The following INSC variants were observed in gnomAD, a reference collection of about 807,000 sequenced individuals.
INSC encodes protein inscuteable homolog.
Under a neutral mutation model 58.6 loss-of-function variants are expected in INSC, and 67 were observed. The observed-to-expected ratio is 1.14, with a 90% confidence interval of 0.94 to 1.40. INSC has a LOEUF of 1.40. Among genes scored for constraint, INSC ranks in the 40% most tolerant of loss-of-function variants. The pLI is 0.00. For missense variants in INSC, 714 were observed against 692.0 expected (o/e 1.03, Z -0.36); for synonymous variants, 262 against 276.1 (o/e 0.95, Z 0.51).
chr11:15,229,762 T>C (rs975144073), intron 9 of INSC, among the ~76,000 whole-genome samples: 11 of 150,844 alleles, frequency 7.3e-5, no homozygotes, highest in Non-Finnish European at 1.2e-4. Context: ...GGCAATTGTA[T>C]TGGTCTATTC....
At chr11:15,202,537 T>C (rs1850633703) in intron 7 of INSC, among the ~76,000 whole-genome samples, 1 of 152,248 alleles carries the variant, frequency 6.6e-6, no homozygotes, top group Admixed American at 6.5e-5. Flanking sequence ...AGGAAATGCA[T>C]TGAGCATCCT....
intron 5 of INSC, among the ~76,000 whole-genome samples, chr11:15,187,493 A>G (rs1850012619): frequency 6.6e-6 from 1 of 152,218 alleles, no homozygotes. Flanking sequence ...AGGTCTCACA[A>G]TATTTTCCTG....
chr11:15,246,016 C>T lies in INSC; in HGVS notation c.1575C>T (p.Ser525=), dbSNP rs757397739. The T allele has an allele frequency of 5.6e-6, 9 of 1,614,068 alleles. No homozygotes were observed. In the Admixed American group the frequency reaches 1.2e-4, roughly 21 times the overall value. Residue 525 remains serine (S), a synonymous_variant, in exon 13 of 13, where the codon AGC becomes AGT. Coordinates refer to ENST00000379556, the MANE Select transcript of INSC (RefSeq NM_001042536.3). ...TGGTGGACTCCTTCTTACTCTGCAG[C>T]AACATGGAGGAGAGTTTTGTGTAGT... ...PRLVDSFLLC[S]NMEESFV
intron 2 of INSC, among the ~76,000 whole-genome samples, chr11:15,151,471 G>A (rs1291663919): frequency 6.6e-6 from 1 of 152,154 alleles, no homozygotes; most frequent in Non-Finnish European, 1.5e-5. Context: ...ACCTCCCTGG[G>A]GGGTGGTCAA....
intron 8 of INSC, among the ~76,000 whole-genome samples, chr11:15,223,598 G>A (rs1851525412): frequency 6.6e-6 from 1 of 152,210 alleles, no homozygotes; most frequent in East Asian, 1.9e-4. Flanking sequence ...AATAATTGCT[G>A]TGTCGGCAGC....
At chr11:15,145,403 AC>A (rs1237378995) in intron 1 of INSC, among the ~76,000 whole-genome samples, 1 of 152,112 alleles carries the variant, frequency 6.6e-6, no homozygotes, top group Non-Finnish European at 1.5e-5. Context: ...CTTGTCTTGA[AC>A]TCAGTTTTGG....
intron 9 of INSC, among the ~76,000 whole-genome samples, chr11:15,232,641 T>C (rs1242069901): frequency 6.6e-6 from 1 of 152,128 alleles, no homozygotes; most frequent in Non-Finnish European, 1.5e-5. Context: ...TTACTTTATA[T>C]AGCGACACGG....
chr11:15,145,876 G>A (rs1848479516), intron 1 of INSC, among the ~76,000 whole-genome samples: 1 of 152,146 alleles, frequency 6.6e-6, no homozygotes, highest in South Asian at 2.1e-4. Flanking sequence ...AGGGCCTCCT[G>A]GGGTTGGGTG....
intron 7 of INSC, among the ~76,000 whole-genome samples, chr11:15,218,434 C>A (rs1338863670): frequency 6.6e-6 from 1 of 152,028 alleles, no homozygotes; most frequent in African/African-American, 2.4e-5. Context: ...GGTATGAGAT[C>A]ATGAAAGGTG....
chr11:15,246,305 T>C lies in INSC; in HGVS notation c.*265T>C. ...AATTCGTAATGACAAATATGACAAA[T>C]TGTCATGGGTGATTCCACTTCATCT... On this transcript the variant is annotated 3_prime_UTR_variant, in exon 13 of 13. Coordinates refer to ENST00000379556, the MANE Select transcript of INSC (RefSeq NM_001042536.3). 3.7e-6 allele frequency: 1 copy of C among 271,686 alleles called. No homozygotes were observed. The highest frequency in any genetic ancestry group is 7.1e-6 in the Non-Finnish European group (1 of 141,564). 16.8% of individuals were successfully genotyped at this position (271,686 alleles called of 1,614,324 possible).
chr11:15,130,172 A>C (rs978507017), intron 1 of INSC, among the ~76,000 whole-genome samples: 10 of 152,348 alleles, frequency 6.6e-5, no homozygotes, highest in Admixed American at 6.5e-4. Context: ...TTCTGATCTC[A>C]CAGGAAATGC....
chr11:15,131,568 G>A (rs1564860910), intron 1 of INSC, among the ~76,000 whole-genome samples: 1 of 152,080 alleles, frequency 6.6e-6, no homozygotes, highest in Non-Finnish European at 1.5e-5. Context: ...GAATTGTGTT[G>A]AAGTGTATGT....
At chr11:15,136,231 A>G in intron 1 of INSC, among the ~76,000 whole-genome samples, 1 of 152,302 alleles carries the variant, frequency 6.6e-6, no homozygotes, top group Admixed American at 6.5e-5. Flanking sequence ...ATGTCTAAAA[A>G]CAATGTACAT....
At chr11:15,182,038 C>T (rs143964597) in intron 5 of INSC, among the ~76,000 whole-genome samples, 81 of 152,236 alleles carry the variant, frequency 5.3e-4, no homozygotes, top group African/African-American at 1.9e-3. Flanking sequence ...AGCTGTAGTC[C>T]AGGCTGTCTC....
chr11:15,119,422 C>T (rs1847813533), intron 1 of INSC, among the ~76,000 whole-genome samples: 3 of 152,182 alleles, frequency 2.0e-5, no homozygotes, highest in African/African-American at 7.2e-5. Flanking sequence ...GATCTCCCCT[C>T]CCCCAGCTCC....
intron 11 of INSC, 67 bp from the exon 12 acceptor site, chr11:15,240,380 A>G: frequency 7.0e-7 from 1 of 1,420,874 alleles, no homozygotes; most frequent in Non-Finnish European, 9.9e-7. Context: ...AGGGAGGCCC[A>G]GAACCTCTGG....
chr11:15,203,411 G>C (rs1850674103), intron 7 of INSC, among the ~76,000 whole-genome samples: 1 of 152,182 alleles, frequency 6.6e-6, no homozygotes, highest in Non-Finnish European at 1.5e-5. Flanking sequence ...AGGCACTGAA[G>C]AGGAATAAGA....
chr11:15,124,026 C>A (rs531561275), intron 1 of INSC, among the ~76,000 whole-genome samples: 10 of 152,348 alleles, frequency 6.6e-5, no homozygotes, highest in African/African-American at 2.4e-4. Flanking sequence ...ATCCCTCTGA[C>A]TCACTTACTC....
chr11:15,221,389 G>A, intron 7 of INSC, 88 bp from the exon 8 acceptor site: 1 of 1,453,610 alleles, frequency 6.9e-7, no homozygotes, highest in Non-Finnish European at 9.3e-7. Flanking sequence ...CCATGTAGTG[G>A]GGGCTGAATC....
Sources: gnomAD v4.1 joint callset for allele counts (sites outside exome capture counted in the v4.1 genomes callset) on GRCh38, gnomAD v4.1.1 for gene constraint, MANE v1.5 for transcripts, NCBI Gene and HGNC (gene_info 2026-07-23, HGNC 2026-07-21) for gene names.